Variants in CDK14 observed in about 807,000 individuals in gnomAD.
CDK14 encodes the protein cyclin-dependent kinase 14.
CDK14 carries 34 observed loss-of-function variants against 60.7 expected under a neutral mutation model. The observed-to-expected ratio is 0.56, with a 90% CI of 0.43 to 0.75. The LOEUF is 0.75. Ranked by LOEUF, CDK14 falls within the 30% of genes least tolerant of loss-of-function variation. CDK14 has a pLI of 0.00. For synonymous variants in CDK14, 197 were observed against 203.7 expected (o/e 0.97, Z 0.28); for missense variants, 482 against 564.1 (o/e 0.85, Z 1.47).
intron 10 of CDK14, among the ~76,000 whole-genome samples, chr7:91,012,959 G>A (rs1409396802): frequency 6.6e-6 from 1 of 152,208 alleles, no homozygotes; most frequent in Non-Finnish European, 1.5e-5. Flanking sequence ...GGCTTCCTGG[G>A]ATTGCACCAT....
chr7:90,915,395 T>C (rs2117410292), intron 7 of CDK14, among the ~76,000 whole-genome samples: 1 of 152,260 alleles, frequency 6.6e-6, no homozygotes, highest in African/African-American at 2.4e-5. Flanking sequence ...GCTGAGATTG[T>C]GCCACTGTGC....
intron 1 of CDK14, among the ~76,000 whole-genome samples, chr7:90,598,660 AT>A (rs1053708150): frequency 7.3e-6 from 1 of 137,282 alleles, no homozygotes; most frequent in African/African-American, 2.7e-5. Flanking sequence ...TTTATATTGT[AT>A]TTGCAAAATT....
chr7:91,044,478 T>G (rs1482944138), intron 10 of CDK14, among the ~76,000 whole-genome samples: 2 of 152,170 alleles, frequency 1.3e-5, no homozygotes, highest in African/African-American at 4.8e-5. Context: ...GTCTGTCCTA[T>G]CAGTCTTAAG....
chr7:91,044,837 G>A (rs1797188720), intron 10 of CDK14, among the ~76,000 whole-genome samples: 1 of 152,168 alleles, frequency 6.6e-6, no homozygotes, highest in Non-Finnish European at 1.5e-5. Context: ...GAAGAAGTGG[G>A]CAGTCTGAAT....
At chr7:90,848,734 G>A (rs1172147531) in intron 5 of CDK14, among the ~76,000 whole-genome samples, 1 of 152,092 alleles carries the variant, frequency 6.6e-6, no homozygotes, top group Non-Finnish European at 1.5e-5. Context: ...GTCTTTCAGT[G>A]TCTGATTAAA....
chr7:91,125,141 G>A (rs772577415), intron 14 of CDK14, among the ~76,000 whole-genome samples: 1 of 152,066 alleles, frequency 6.6e-6, no homozygotes, highest in Non-Finnish European at 1.5e-5. Flanking sequence ...GCAAAAAGAA[G>A]CTGAAAACTA....
chr7:90,806,499 G>A (rs1342328661), intron 5 of CDK14, among the ~76,000 whole-genome samples: 1 of 152,206 alleles, frequency 6.6e-6, no homozygotes, highest in Non-Finnish European at 1.5e-5. Flanking sequence ...TGGCGAAGAT[G>A]GCCAAATAGG....
At chr7:90,821,910 T>C (rs1247690722) in intron 5 of CDK14, among the ~76,000 whole-genome samples, 2 of 152,210 alleles carry the variant, frequency 1.3e-5, no homozygotes, top group African/African-American at 4.8e-5. Context: ...TGCCCACTCA[T>C]TGTCCATGCT....
intron 5 of CDK14, among the ~76,000 whole-genome samples, chr7:90,841,427 C>CT (rs373962978): frequency 6.6e-6 from 1 of 150,690 alleles, no homozygotes; most frequent in African/African-American, 2.4e-5. Context: ...TTTCTGCTTA[C>CT]TTTTTTTTTG....
intron 2 of CDK14, among the ~76,000 whole-genome samples, chr7:90,605,112 A>G (rs1799390849): frequency 6.6e-6 from 1 of 152,204 alleles, no homozygotes; most frequent in East Asian, 1.9e-4. Context: ...TACATATTCC[A>G]TGAAATATGC....
At chr7:90,638,770 A>G (rs1478756066) in intron 2 of CDK14, among the ~76,000 whole-genome samples, 1 of 152,160 alleles carries the variant, frequency 6.6e-6, no homozygotes. Flanking sequence ...AGGTACACCA[A>G]TCAGACGTAG....
chr7:90,963,129 A>G (rs1308357065), intron 9 of CDK14, among the ~76,000 whole-genome samples: 1 of 83,756 alleles, frequency 1.2e-5, no homozygotes, highest in Non-Finnish European at 2.4e-5. Flanking sequence ...GTGTGTTTTA[A>G]TTTAGAAATA....
intron 5 of CDK14, among the ~76,000 whole-genome samples, chr7:90,838,240 G>A (rs1162405005): frequency 6.6e-6 from 1 of 152,114 alleles, no homozygotes; most frequent in Non-Finnish European, 1.5e-5. Flanking sequence ...ACATTTATTA[G>A]TTCCCAAAAT....
chr7:91,025,310 G>C (rs1796540831), intron 10 of CDK14, among the ~76,000 whole-genome samples: 1 of 152,110 alleles, frequency 6.6e-6, no homozygotes, highest in Admixed American at 6.5e-5. Context: ...GCCTGTTAAG[G>C]TAGAGAAGGG....
At chr7:90,634,952 T>C (rs1433844678) in intron 2 of CDK14, among the ~76,000 whole-genome samples, 2 of 152,226 alleles carry the variant, frequency 1.3e-5, no homozygotes, top group Non-Finnish European at 1.5e-5. Context: ...TGTCTGTTCA[T>C]GTCCTTTGCC....
chr7:91,204,563 A>G (rs1458551161), intron 14 of CDK14, among the ~76,000 whole-genome samples: 1 of 152,208 alleles, frequency 6.6e-6, no homozygotes, highest in Admixed American at 6.5e-5. Context: ...ACAACTCAAC[A>G]ACGAAAAGAC....
chr7:91,078,846 T>C (rs1798397747), intron 11 of CDK14, among the ~76,000 whole-genome samples: 1 of 152,190 alleles, frequency 6.6e-6, no homozygotes, highest in South Asian at 2.1e-4. Flanking sequence ...GCTGAAGAGA[T>C]TATAATGTCT....
chr7:90,787,143 C>T (rs1805619695), intron 4 of CDK14, among the ~76,000 whole-genome samples: 1 of 152,022 alleles, frequency 6.6e-6, no homozygotes, highest in Non-Finnish European at 1.5e-5. Context: ...CACAATGACT[C>T]TTAGGTTAAA....
intron 6 of CDK14, among the ~76,000 whole-genome samples, chr7:90,882,424 A>G (rs975212250): frequency 3.3e-5 from 5 of 152,260 alleles, no homozygotes; most frequent in Non-Finnish European, 5.9e-5. Context: ...TACCCAATAC[A>G]GGAACATCCA....
Sources: allele counts gnomAD v4.1 joint callset (sites outside exome capture counted in the v4.1 genomes callset), GRCh38; gene constraint gnomAD v4.1.1; transcripts MANE v1.5; gene names NCBI Gene and HGNC (gene_info 2026-07-23, HGNC 2026-07-21).